The following FAM107A variants were observed in gnomAD, a reference collection of about 807,000 sequenced individuals.
The protein encoded by FAM107A is actin-associated protein FAM107A.
In FAM107A, 19 loss-of-function variants were observed where a neutral mutation model predicts 13.7. The ratio of observed to expected loss-of-function variants is 1.38; its 90% CI spans 0.97 to 2.03. FAM107A has a LOEUF of 2.03. Among genes scored for constraint, FAM107A ranks in the 30% most tolerant of loss-of-function variants. The pLI is 0.00. For missense variants in FAM107A, 203 were observed against 184.4 expected (o/e 1.10, Z -0.58); for synonymous variants, 82 against 74.5 (o/e 1.10, Z -0.52).
rs2065613242 is a variant in FAM107A at position 58,586,947 on chromosome 3, C to T, written c.-11G>A. 5.9e-6 allele frequency: 9 copies of T among 1,525,402 alleles called. No homozygotes were observed. The South Asian group carries it at 8.5e-5, about 14-fold the overall frequency. 94.5% of individuals were successfully genotyped at this position (1,525,402 alleles called of 1,614,324 possible). On this transcript the variant is annotated 5_prime_UTR_variant, in exon 1 of 4. Coordinates refer to the FAM107A transcript ENST00000447756. ...CAGCCTCTGCGCCATGCCCCCGCGCCTCCTACTGCAGAGCCAGCACTGCTG... is the reference window on the plus strand; with the variant it reads ...CAGCCTCTGCGCCATGCCCCCGCGCTTCCTACTGCAGAGCCAGCACTGCTG...
Position 58,613,074 on chromosome 3 carries a change from G to A in FAM107A, c.-70+14342C>T, listed in dbSNP as rs2065869501. Among the ~76,000 whole-genome samples the A allele has an allele frequency of 6.6e-6, 1 of 152,104 alleles. No individual in the cohort carries two copies. Among genetic ancestry groups the A allele is most frequent in the South Asian group, 2.1e-4 (1 of 4,818 alleles). Reference sequence around the variant, plus strand: ...ACCACCTCTCTGGAAGGTGATGATGGTCGGCAGCTCCATATCGCCAGCCGT... The same window carrying A: ...ACCACCTCTCTGGAAGGTGATGATGATCGGCAGCTCCATATCGCCAGCCGT... On this transcript the variant is annotated intron_variant, in intron 1 of 3. Transcript: ENST00000465970. The surrounding 1 kb of genome is among the most constrained non-coding windows in gnomAD (Gnocchi z 4.6).
Position 58,613,076 on chromosome 3 carries a change from C to T in FAM107A, c.-70+14340G>A, listed in dbSNP as rs1214604288. Among the ~76,000 whole-genome samples, 2 of 152,118 alleles carry T rather than the reference C, an allele frequency of 1.3e-5. No homozygotes were observed. Among genetic ancestry groups the T allele is most frequent in the East Asian group, 3.8e-4 (2 of 5,202 alleles). On this transcript the variant is annotated intron_variant, in intron 1 of 3. Coordinates refer to the FAM107A transcript ENST00000465970. The surrounding 1 kb of genome is among the most constrained non-coding windows in gnomAD (Gnocchi z 4.6). ...CACCTCTCTGGAAGGTGATGATGGTCGGCAGCTCCATATCGCCAGCCGTGA... is the reference window on the plus strand; with the variant it reads ...CACCTCTCTGGAAGGTGATGATGGTTGGCAGCTCCATATCGCCAGCCGTGA...
At chr3:58,592,568 T>A (rs150855327) in intron 1 of FAM107A, among the ~76,000 whole-genome samples, 1 of 152,182 alleles carries the variant, frequency 6.6e-6, no homozygotes, top group Non-Finnish European at 1.5e-5. Flanking sequence ...CCTTCCCACC[T>A]CTATACAGTC....
At chr3:58,606,165 G>A (rs1217741917) in intron 1 of FAM107A, among the ~76,000 whole-genome samples, 1 of 152,058 alleles carries the variant, frequency 6.6e-6, no homozygotes, top group Non-Finnish European at 1.5e-5. Flanking sequence ...GTACAATCTC[G>A]GCTCACTACA....
chr3:58,587,472 AGAGTGTGTGTGTGTGTGT>A (rs1170455272), upstream of FAM107A, among the ~76,000 whole-genome samples: 2 of 116,314 alleles, frequency 1.7e-5, no homozygotes, highest in African/African-American at 6.9e-5. Flanking sequence ...TAATCAGCTT[AGAGTGTGTGTGTGTGTGT>A]GTGTGTGTGT....
chr3:58,564,782 C>A lies in FAM107A; in HGVS notation c.*1806G>T, dbSNP rs2063603631. On this transcript the variant is annotated 3_prime_UTR_variant, in exon 4 of 4. Coordinates refer to ENST00000360997, the MANE Select transcript of FAM107A (RefSeq NM_001076778.3). This position sits in a 1 kb window ranked among gnomAD's most constrained non-coding sequence, Gnocchi z 5.6. ...TTGTGCATCTTCAGTGTAACCCTCACCTGGCAGACATTAAACAGCGTAAAC... is the reference window on the plus strand; with the variant it reads ...TTGTGCATCTTCAGTGTAACCCTCAACTGGCAGACATTAAACAGCGTAAAC... The A allele has an allele frequency of 6.6e-6, 1 of 152,304 alleles. No homozygotes were observed. Among genetic ancestry groups the A allele is most frequent in the African/African-American group, 2.4e-5 (1 of 41,472 alleles). 9.4% of individuals were successfully genotyped at this position (152,304 alleles called of 1,614,324 possible).
upstream of FAM107A, among the ~76,000 whole-genome samples, chr3:58,587,533 G>A (rs2065621461): frequency 6.6e-6 from 1 of 150,888 alleles, no homozygotes; most frequent in Non-Finnish European, 1.5e-5. Context: ...CAGAACAGAG[G>A]CTGGTGCAGA....
intron 1 of FAM107A, among the ~76,000 whole-genome samples, chr3:58,616,111 G>A (rs773543812): frequency 2.0e-5 from 3 of 152,086 alleles, no homozygotes; most frequent in Non-Finnish European, 4.4e-5. Context: ...GGCCTGTGGT[G>A]TTCCTTGTAA....
intron 1 of FAM107A, among the ~76,000 whole-genome samples, chr3:58,584,889 C>T (rs1390828036): frequency 9.2e-5 from 14 of 152,238 alleles, no homozygotes; most frequent in Admixed American, 9.2e-4. Flanking sequence ...GGCCCCCCTC[C>T]CGCCCTGTGG....
intron 1 of FAM107A, among the ~76,000 whole-genome samples, chr3:58,596,214 C>T (rs780261494): frequency 4.6e-5 from 7 of 152,136 alleles, no homozygotes; most frequent in Non-Finnish European, 1.0e-4. Flanking sequence ...ATCCTATCCC[C>T]AAATCCTCCT....
chr3:58,623,868 AG>A (rs2065982753), intron 1 of FAM107A, among the ~76,000 whole-genome samples: 1 of 152,240 alleles, frequency 6.6e-6, no homozygotes, highest in Non-Finnish European at 1.5e-5. Flanking sequence ...AGCTGTGCTC[AG>A]GAACATTTTC....
chr3:58,595,188 A>C (rs756452058), intron 1 of FAM107A, among the ~76,000 whole-genome samples: 1 of 151,184 alleles, frequency 6.6e-6, no homozygotes, highest in Non-Finnish European at 1.5e-5. Context: ...ATCTCTCCAT[A>C]CCACCCCCAA....
At chr3:58,580,555 C>G (rs7635057), upstream of FAM107A, among the ~76,000 whole-genome samples, 3 of 151,622 alleles carry the variant, frequency 2.0e-5, no homozygotes, top group East Asian at 5.8e-4. Flanking sequence ...GCTGAGACTA[C>G]AGACACATGC....
chr3:58,577,244 C>A lies in FAM107A; in HGVS notation c.-6+65G>T. 3.4e-6 allele frequency: 3 copies of A among 872,654 alleles called. No homozygotes were observed. The highest frequency in any genetic ancestry group is 4.1e-6 in the Non-Finnish European group (3 of 726,984). The allele number at this position is 872,654 out of a possible 1,614,324, so 54.1% of individuals were successfully genotyped here. ...AGTGTACCGGGTCTGCCCTCCTTCC[C>A]TTCCACCTCCTCCCGAACGGCACCG... On this transcript the variant is annotated intron_variant, in intron 1 of 3. Transcript: ENST00000360997. The surrounding 1 kb of genome is among the most constrained non-coding windows in gnomAD (Gnocchi z 4.9).
chr3:58,622,531 C>T (rs565928455), intron 1 of FAM107A, among the ~76,000 whole-genome samples: 6 of 152,288 alleles, frequency 3.9e-5, no homozygotes, highest in South Asian at 2.1e-4. Context: ...TCTTCCTTTC[C>T]GTCATCTTCC....
chr3:58,576,615 G>A (rs908198648), intron 1 of FAM107A, among the ~76,000 whole-genome samples: 2 of 152,230 alleles, frequency 1.3e-5, no homozygotes, highest in Non-Finnish European at 2.9e-5. Context: ...GTTTCAAAAA[G>A]TGACACACCC....
At chr3:58,591,366 C>A (rs150333237), upstream of FAM107A, among the ~76,000 whole-genome samples, 1 of 152,060 alleles carries the variant, frequency 6.6e-6, no homozygotes, top group South Asian at 2.1e-4. This position sits in a 1 kb window ranked among gnomAD's most constrained non-coding sequence, Gnocchi z 4.3. Context: ...GCAGGGTCAG[C>A]GGTTAATGCA....
intron 1 of FAM107A, among the ~76,000 whole-genome samples, chr3:58,616,939 A>T (rs1167702353): frequency 1.3e-5 from 2 of 152,110 alleles, no homozygotes; most frequent in African/African-American, 4.8e-5. Flanking sequence ...ACATCCAGCT[A>T]ACTTTTTGTA....
chr3:58,601,291 TGATGTAA>T (rs2065750786), intron 1 of FAM107A, among the ~76,000 whole-genome samples: 1 of 151,790 alleles, frequency 6.6e-6, no homozygotes, highest in East Asian at 1.9e-4. Flanking sequence ...CAGAAAAAAC[TGATGTAA>T]GTAATTTCTT....
Sources: allele counts gnomAD v4.1 joint callset (sites outside exome capture counted in the v4.1 genomes callset), GRCh38; gene constraint gnomAD v4.1.1; non-coding constraint Gnocchi (gnomAD v3.1); transcripts MANE v1.5; gene names NCBI Gene and HGNC (gene_info 2026-07-23, HGNC 2026-07-21).